The following CREB3L1 variants were observed in gnomAD, a reference collection of about 807,000 sequenced individuals.
The protein encoded by CREB3L1 is cyclic AMP-responsive element-binding protein 3-like protein 1.
CREB3L1 carries 33 observed loss-of-function variants against 54.5 expected under a neutral mutation model. The observed-to-expected ratio is 0.61, with a 90% CI of 0.46 to 0.81. The LOEUF is 0.81. Among genes scored for constraint, CREB3L1 ranks in the 30% least tolerant of loss-of-function variants. CREB3L1 has a pLI of 0.00. For synonymous variants in CREB3L1, 284 were observed against 286.4 expected, an observed-to-expected ratio of 0.99 and a Z score of 0.08; for missense variants, 656 against 673.3, an observed-to-expected ratio of 0.97 and a Z score of 0.29.
At position 46,287,616 on chromosome 11, in the gene CREB3L1, G is replaced by T. The variant is rs574165559; in HGVS notation, c.102+9403G>T. 3.9e-5 allele frequency among the ~76,000 whole-genome samples: 6 copies of T among 152,102 alleles called. No homozygotes were observed. The South Asian group carries it at 1.2e-3, about 32-fold the overall frequency. ...CACCTGGACAATTTTTAATTTTTGT[G>T]GGTACATAGTAGGTTAGATATTTAT... On this transcript the variant is annotated intron_variant, in intron 1 of 11. Transcript: ENST00000621158.
rs1372078941 is a variant in CREB3L1 at position 46,305,741 on chromosome 11, TA to T, written c.332-2074del. On this transcript the variant is annotated intron_variant, in intron 2 of 11. Transcript: ENST00000621158. ...GTGTGTGTGTGTGTGTGTATATATA[TA>T]TATATTTTTTTTTAAGACGGAGTCT... Among the ~76,000 whole-genome samples the T allele has an allele frequency of 7.1e-3, 883 of 123,556 alleles. 10 individuals carry two copies. Among genetic ancestry groups the T allele is most frequent in the African/African-American group, 8.4e-3 (224 of 26,724 alleles). 81.1% of individuals were successfully genotyped at this position (123,556 alleles called of 152,430 possible). A position where few individuals can be genotyped will look rare whatever the true frequency, so the allele number is the denominator to read the frequency against.
chr11:46,298,878 G>A (rs1018926973), intron 1 of CREB3L1, among the ~76,000 whole-genome samples: 2 of 152,150 alleles, frequency 1.3e-5, no homozygotes, highest in Non-Finnish European at 2.9e-5. Context: ...CCTGTACGTG[G>A]ATTAACTTGT....
intron 1 of CREB3L1, among the ~76,000 whole-genome samples, chr11:46,289,207 G>A (rs925464211): frequency 2.6e-5 from 4 of 151,990 alleles, no homozygotes; most frequent in African/African-American, 9.7e-5. Context: ...GTGAAACCCC[G>A]TCTCTACCAA....
rs373387025 is a variant in CREB3L1 at position 46,287,247 on chromosome 11, C to T, written c.102+9034C>T. The stretch of plus-strand genomic sequence containing the variant: ...AGAAATTCTTGCAGAGGGCCTGGTA[C>T]ACCATAAACCCTCTATAAACAATAG... On this transcript the variant is annotated intron_variant, in intron 1 of 11. Coordinates refer to ENST00000621158, the MANE Select transcript of CREB3L1 (RefSeq NM_052854.4). Among the ~76,000 whole-genome samples the T allele has an allele frequency of 4.6e-5, 7 of 152,200 alleles. No homozygotes were observed. The South Asian group carries it at 1.2e-3, about 27-fold the overall frequency.
At position 46,281,292 on chromosome 11, in the gene CREB3L1, G is replaced by C. The variant is rs553418449; in HGVS notation, c.102+3079G>C. 2.0e-4 allele frequency among the ~76,000 whole-genome samples: 30 copies of C among 152,316 alleles called. 1 individual carries two copies. In the East Asian group the frequency reaches 5.8e-3, roughly 29 times the overall value. On this transcript the variant is annotated intron_variant, in intron 1 of 11. Coordinates refer to ENST00000621158, the MANE Select transcript of CREB3L1 (RefSeq NM_052854.4). The stretch of plus-strand genomic sequence containing the variant: ...AGCCCCTTGGCCAGTATGAGAGAGA[G>C]GGTCTGGGCTCCAAGAACTGGGATA...
Position 46,278,248 on chromosome 11 carries a change from T to C in CREB3L1, c.102+35T>C. On this transcript the variant is annotated intron_variant, in intron 1 of 11. Transcript: ENST00000621158. The surrounding 1 kb of genome is among the most constrained non-coding windows in gnomAD (Gnocchi z 4.2). ...AGGGTCTCCGTTCCCGTTCCACCCCTCGGCACCCGTCCTCGCGGCGCGCCT... is the reference window on the plus strand; with the variant it reads ...AGGGTCTCCGTTCCCGTTCCACCCCCCGGCACCCGTCCTCGCGGCGCGCCT... 7.2e-7 allele frequency: 1 copy of C among 1,395,454 alleles called. No individual in the cohort carries two copies. The highest frequency in any genetic ancestry group is 9.8e-7 in the Non-Finnish European group (1 of 1,016,272). 86.4% of individuals were successfully genotyped at this position (1,395,454 alleles called of 1,614,324 possible).
intron 3 of CREB3L1, among the ~76,000 whole-genome samples, chr11:46,309,027 T>C (rs1294489546): frequency 6.6e-6 from 1 of 152,162 alleles, no homozygotes; most frequent in African/African-American, 2.4e-5. Context: ...GCCTTCCAAA[T>C]TCGGCCTGCC....
rs754414740 is a variant in CREB3L1, at chr11:46,300,015, C to A, written c.183C>A (p.Asp61Glu). The A allele has an allele frequency of 6.2e-7, 1 of 1,614,004 alleles. No individual in the cohort carries two copies. ...SNDLFSSFFD[D>E]PVLDEKSPLL... ...ACCTGTTCAGCAGCTTCTTTGATGACCCTGTGCTGGATGAGAAGAGCCCTC... is the reference window on the plus strand; with the variant it reads ...ACCTGTTCAGCAGCTTCTTTGATGAACCTGTGCTGGATGAGAAGAGCCCTC... Residue 61 changes from aspartate (D) to glutamate (E), a missense_variant, in exon 2 of 12, where the codon GAC (aspartate) becomes GAA (glutamate). Physicochemically the swap from Asp to Glu is conservative, Grantham distance 45 (BLOSUM62 2). Around this residue, in one of 3 missense-constraint regions of CREB3L1, gnomAD observed 339 missense variants for 331.5 expected, o/e 1.02. Transcript: ENST00000621158.
At position 46,320,339 on chromosome 11, in the gene CREB3L1, T is replaced by C. The variant is rs367810523; in HGVS notation, c.1334T>C (p.Met445Thr). The C allele has an allele frequency of 2.4e-5, 38 of 1,612,640 alleles. No individual in the cohort carries two copies. The highest frequency in any genetic ancestry group is 4.0e-5 in the African/African-American group (3 of 74,904). ...WEDGRSTLLPMEPPDGWEINP... is the reference protein window; with the variant it reads ...WEDGRSTLLPTEPPDGWEINP... ...GATGGCCGCAGCACCCTGCTGCCCATGGAGCCCCCAGATGGCTGGGAAATC... is the reference window on the plus strand; with the variant it reads ...GATGGCCGCAGCACCCTGCTGCCCACGGAGCCCCCAGATGGCTGGGAAATC... Residue 445 changes from methionine to threonine, a missense_variant, in exon 11 of 12, where the codon ATG becomes ACG. By Grantham distance (81) the Met-to-Thr change is moderately conservative (BLOSUM62 -1). Around this residue, in one of 3 missense-constraint regions of CREB3L1, gnomAD observed 240 missense variants for 219.8 expected, o/e 1.09. Coordinates refer to ENST00000621158, the MANE Select transcript of CREB3L1 (RefSeq NM_052854.4).
At chr11:46,300,251 GC>G in intron 2 of CREB3L1, 88 bp downstream of exon 2, 1 of 1,021,820 alleles carries the variant, frequency 9.8e-7, no homozygotes, top group South Asian at 1.4e-5. Flanking sequence ...TGTGCCTGCA[GC>G]CTGAGACTCC....
intron 8 of CREB3L1, chr11:46,315,985 A>C (rs1939560960): frequency 3.2e-6 from 1 of 313,110 alleles, no homozygotes; most frequent in Admixed American, 4.8e-5. Context: ...TCGGTTAAGC[A>C]AAAGAAGGCT....
At position 46,307,814 on chromosome 11, in the gene CREB3L1, A is replaced by T; in HGVS notation, c.332-2A>T. 1 of 1,559,310 alleles carries T rather than the reference A, an allele frequency of 6.4e-7. No homozygotes were observed. The highest frequency in any genetic ancestry group is 2.4e-5 in the East Asian group (1 of 41,966). ...TCCCCTGAGCCTTTCCCCTTCCCCTAGATGCAGAGCATGGAGCATGGGCGC... is the reference window on the plus strand; with the variant it reads ...TCCCCTGAGCCTTTCCCCTTCCCCTTGATGCAGAGCATGGAGCATGGGCGC... On this transcript the variant is annotated splice_acceptor_variant, in intron 2 of 11. Coordinates refer to ENST00000621158, the MANE Select transcript of CREB3L1 (RefSeq NM_052854.4). LOFTEE classifies it high-confidence loss of function.
chr11:46,312,688 G>T lies in CREB3L1; in HGVS notation c.962+18G>T. ...GAAAAGAAGTAAGGGGCTTGGGAGG[G>T]GTGGGCAATCCACTCCCTTGCCTGA... On this transcript the variant is annotated intron_variant, in intron 7 of 11. Coordinates refer to ENST00000621158, the MANE Select transcript of CREB3L1 (RefSeq NM_052854.4). 6.2e-7 allele frequency: 1 copy of T among 1,601,004 alleles called. No individual in the cohort carries two copies. The highest frequency in any genetic ancestry group is 8.5e-7 in the Non-Finnish European group (1 of 1,173,474).
chr11:46,304,822 GCTGAGATTACAGGCATGAGCCACCA>G (rs1939355697), intron 2 of CREB3L1, among the ~76,000 whole-genome samples: 1 of 152,004 alleles, frequency 6.6e-6, no homozygotes, highest in Admixed American at 6.5e-5. Flanking sequence ...CTCCCAAATT[GCTGAGATTACAGGCATGAGCCACCA>G]CACCCAGCTC....
intron 8 of CREB3L1, 42 bp from the exon 9 acceptor site, chr11:46,316,244 G>C: frequency 7.6e-7 from 1 of 1,311,334 alleles, no homozygotes; most frequent in Non-Finnish European, 1.1e-6. Flanking sequence ...AGAGATGCCT[G>C]CGGGGTCAAA....
rs1478270031 is a variant in CREB3L1 at position 46,307,809 on chromosome 11, C to T, written c.332-7C>T. ...TAGAGTCCCCTGAGCCTTTCCCCTT[C>T]CCCTAGATGCAGAGCATGGAGCATG... On this transcript the variant is annotated splice_region_variant and splice_polypyrimidine_tract_variant and intron_variant, in intron 2 of 11. Transcript: ENST00000621158. The T allele has an allele frequency of 6.4e-7, 1 of 1,551,896 alleles. No homozygotes were observed. Among genetic ancestry groups the T allele is most frequent in the Non-Finnish European group, 8.7e-7 (1 of 1,147,994 alleles).
chr11:46,299,283 C>T (rs1172011286), intron 1 of CREB3L1, among the ~76,000 whole-genome samples: 4 of 152,020 alleles, frequency 2.6e-5, no homozygotes, highest in African/African-American at 9.7e-5. Flanking sequence ...CCATTCGAAC[C>T]TAAATAGTAG....
intron 2 of CREB3L1, among the ~76,000 whole-genome samples, chr11:46,305,123 C>T (rs1939360759): frequency 6.6e-6 from 1 of 152,154 alleles, no homozygotes; most frequent in Non-Finnish European, 1.5e-5. Flanking sequence ...AATGTTGGCT[C>T]CCCTCCCCTC....
At chr11:46,297,190 A>T (rs886470225) in intron 1 of CREB3L1, among the ~76,000 whole-genome samples, 4 of 152,086 alleles carry the variant, frequency 2.6e-5, no homozygotes, top group African/African-American at 9.7e-5. Context: ...GGCTCTGCGG[A>T]GGGTGTAGCC....
Sources: gnomAD v4.1 joint callset for allele counts (sites outside exome capture counted in the v4.1 genomes callset) on GRCh38, gnomAD v4.1.1 for gene constraint, gnomAD v4.1.1 regional missense constraint, Gnocchi (gnomAD v3.1) non-coding constraint, MANE v1.5 for transcripts, NCBI Gene and HGNC (gene_info 2026-07-23, HGNC 2026-07-21) for gene names.